Variants in EPHB2 observed in about 807,000 individuals in gnomAD.
The protein encoded by EPHB2 is ephrin type-B receptor 2.
A neutral mutation model predicts 96.4 loss-of-function variants in EPHB2; 18 were observed. That is an observed-to-expected ratio of 0.19 (90% CI 0.13 to 0.28). EPHB2 has a LOEUF of 0.28. EPHB2 is among the 10% of genes least tolerant of loss of function. The probability of loss-of-function intolerance (pLI) is 1.00; values close to 1 mark genes in which losing one functional copy is unlikely to be tolerated. For synonymous variants in EPHB2, 506 were observed against 534.1 expected, an observed-to-expected ratio of 0.95 and a Z score of 0.72; for missense variants, 989 against 1,355.4, an observed-to-expected ratio of 0.73 and a Z score of 4.25.
chr1:22,870,753 G>A (rs1638637296), intron 5 of EPHB2, among the ~76,000 whole-genome samples: 1 of 152,206 alleles, frequency 6.6e-6, no homozygotes, highest in African/African-American at 2.4e-5. Flanking sequence ...ACCTCTGCCA[G>A]CTTCCGGAAG....
chr1:22,797,960 T>G, intron 3 of EPHB2, among the ~76,000 whole-genome samples: 1 of 152,142 alleles, frequency 6.6e-6, no homozygotes, highest in East Asian at 1.9e-4. Flanking sequence ...CACCCAATTT[T>G]TATACAGGCA....
chr1:22,802,149 GGAAGA>G (rs1451092539), intron 3 of EPHB2, among the ~76,000 whole-genome samples: 1 of 152,130 alleles, frequency 6.6e-6, no homozygotes, highest in Non-Finnish European at 1.5e-5. Context: ...TCCAGCTTGG[GGAAGA>G]GAAGAGAAGG....
At chr1:22,750,879 C>G (rs533734819) in intron 1 of EPHB2, among the ~76,000 whole-genome samples, 1 of 152,190 alleles carries the variant, frequency 6.6e-6, no homozygotes, top group Non-Finnish European at 1.5e-5. Context: ...TGGGTCACAC[C>G]TCCAGAGTGT....
chr1:22,912,164 C>A (rs529112834), intron 14 of EPHB2, among the ~76,000 whole-genome samples: 1 of 152,336 alleles, frequency 6.6e-6, no homozygotes, highest in Non-Finnish European at 1.5e-5. Flanking sequence ...TCTTGGCCAT[C>A]CCTGCAGTGC....
chr1:22,900,964 T>C (rs1639730365), intron 9 of EPHB2, among the ~76,000 whole-genome samples: 1 of 152,156 alleles, frequency 6.6e-6, no homozygotes, highest in Non-Finnish European at 1.5e-5. Context: ...CTGTGATGCC[T>C]GGATATGGAG....
At chr1:22,911,339 AC>A (rs1251050359) in intron 14 of EPHB2, among the ~76,000 whole-genome samples, 1 of 152,110 alleles carries the variant, frequency 6.6e-6, no homozygotes, top group Non-Finnish European at 1.5e-5. Flanking sequence ...GCACAGATGA[AC>A]ACACAATTAG....
intron 12 of EPHB2, 48 bp downstream of exon 12, chr1:22,908,216 G>T (rs563519945): frequency 1.2e-6 from 2 of 1,605,812 alleles, no homozygotes; most frequent in Non-Finnish European, 8.5e-7. Context: ...AGAGAAGAGG[G>T]CATGAGTGTC....
chr1:22,849,308 C>A (rs1326720738), intron 3 of EPHB2, among the ~76,000 whole-genome samples: 2 of 152,180 alleles, frequency 1.3e-5, no homozygotes, highest in Non-Finnish European at 2.9e-5. Context: ...GGACCGATCT[C>A]AGCCCTTGTC....
intron 3 of EPHB2, among the ~76,000 whole-genome samples, chr1:22,788,975 G>A (rs1008682282): frequency 2.2e-4 from 34 of 152,080 alleles, no homozygotes; most frequent in African/African-American, 8.0e-4. Flanking sequence ...GGCTGGTCTC[G>A]AACTCCTGGA....
intron 1 of EPHB2, among the ~76,000 whole-genome samples, chr1:22,722,924 A>G (rs1643498649): frequency 6.6e-6 from 1 of 152,218 alleles, no homozygotes; most frequent in Non-Finnish European, 1.5e-5. Context: ...ATTCCAGGCA[A>G]CAGGAACAGC....
intron 3 of EPHB2, among the ~76,000 whole-genome samples, chr1:22,801,106 G>C (rs144296771): frequency 4.1e-4 from 62 of 152,346 alleles, no homozygotes; most frequent in African/African-American, 1.4e-3. Context: ...TAGCTGTATG[G>C]CCTTGGCCAT....
At chr1:22,883,503 G>A (rs375203962) in intron 6 of EPHB2, among the ~76,000 whole-genome samples, 22 of 152,330 alleles carry the variant, frequency 1.4e-4, no homozygotes, top group African/African-American at 4.1e-4. Flanking sequence ...AAGGCATCGC[G>A]GGGCTTCCAT....
intron 2 of EPHB2, among the ~76,000 whole-genome samples, chr1:22,782,072 C>G (rs1318605205): frequency 6.6e-6 from 1 of 152,088 alleles, no homozygotes. Context: ...TGTGAGCTCT[C>G]CAAGAGCAAA....
intron 1 of EPHB2, chr1:22,774,479 G>A: frequency 1.3e-6 from 1 of 765,436 alleles, no homozygotes; most frequent in Non-Finnish European, 1.6e-6. Context: ...TTTTGGAAGA[G>A]AAGTTAGCCA....
intron 3 of EPHB2, among the ~76,000 whole-genome samples, chr1:22,814,078 A>ACTCCT: frequency 6.6e-6 from 1 of 152,276 alleles, no homozygotes; most frequent in South Asian, 2.1e-4. Flanking sequence ...AGGCTGAGGC[A>ACTCCT]GGAGACTCTT....
chr1:22,879,649 G>T (rs1426955473), intron 5 of EPHB2, among the ~76,000 whole-genome samples: 1 of 152,206 alleles, frequency 6.6e-6, no homozygotes, highest in Non-Finnish European at 1.5e-5. Flanking sequence ...GCCTCTCTGA[G>T]CCTCTTCTGC....
At chr1:22,725,777 G>A (rs892951928) in intron 1 of EPHB2, among the ~76,000 whole-genome samples, 5 of 152,222 alleles carry the variant, frequency 3.3e-5, no homozygotes, top group African/African-American at 1.2e-4. Flanking sequence ...TGGGGGAAGA[G>A]CTGGAACTCC....
At chr1:22,856,448 A>T (rs4654823) in intron 3 of EPHB2, among the ~76,000 whole-genome samples, 149,608 of 152,290 alleles carry the variant, frequency 0.98, 73,544 homozygotes, top group East Asian at 1. Context: ...GAGCCCTGAG[A>T]CCTGAGTTTG....
intron 3 of EPHB2, among the ~76,000 whole-genome samples, chr1:22,823,432 A>C (rs908314778): frequency 6.6e-6 from 1 of 152,202 alleles, no homozygotes; most frequent in Admixed American, 6.5e-5. Context: ...ATGGCCTTTA[A>C]GGAGGTTTGT....
Sources: gnomAD v4.1 joint callset for allele counts (sites outside exome capture counted in the v4.1 genomes callset) on GRCh38, gnomAD v4.1.1 for gene constraint, MANE v1.5 for transcripts, NCBI Gene and HGNC (gene_info 2026-07-23, HGNC 2026-07-21) for gene names.